PDLIM1: variants seen among roughly 807,000 people sequenced by gnomAD.
PDLIM1 encodes the protein PDZ and LIM domain 1.
PDLIM1 carries 25 observed loss-of-function variants against 35.2 expected under a neutral mutation model. That is an observed-to-expected ratio of 0.71 (90% CI 0.52 to 0.99). The LOEUF (loss-of-function observed/expected upper bound fraction) is 0.99, where lower values mean the gene tolerates loss of function less well. PDLIM1 is among the 50% of genes least tolerant of loss of function. PDLIM1 has a pLI of 0.00. For synonymous variants in PDLIM1, 152 were observed against 154.0 expected (o/e 0.99, Z 0.10); for missense variants, 363 against 415.3 (o/e 0.87, Z 1.09).
chr10:95,251,109 C>G (rs974040113), intron 4 of PDLIM1, among the ~76,000 whole-genome samples: 2 of 152,058 alleles, frequency 1.3e-5, no homozygotes, highest in Non-Finnish European at 2.9e-5. Context: ...GGGTGAGGGT[C>G]AGAAGGACGA....
intron 4 of PDLIM1, among the ~76,000 whole-genome samples, chr10:95,248,645 TA>T (rs1814585029): frequency 6.6e-6 from 1 of 152,248 alleles, no homozygotes; most frequent in South Asian, 2.1e-4. Context: ...AATACTAAAA[TA>T]TATGTTTAAT....
intron 4 of PDLIM1, among the ~76,000 whole-genome samples, chr10:95,252,357 G>A (rs1379258000): frequency 6.6e-6 from 1 of 152,180 alleles, no homozygotes; most frequent in Non-Finnish European, 1.5e-5. Context: ...CATAGGCAGA[G>A]TGGGGAAAGT....
chr10:95,238,757 C>A, intron 5 of PDLIM1, 72 bp from the exon 6 acceptor site: 2 of 947,262 alleles, frequency 2.1e-6, no homozygotes, highest in Non-Finnish European at 3.5e-6. Flanking sequence ...CTCTTCAGAA[C>A]CACTTATAAA....
chr10:95,237,675 C>T lies in PDLIM1; in HGVS notation c.*250G>A, dbSNP rs919345085. On this transcript the variant is annotated 3_prime_UTR_variant, in exon 7 of 7. Transcript: ENST00000329399. ...GATGTCCAAATGCAGCAGAGAAGAA[C>T]GGTGGGGCGAAGGGACACAGTGTTG... The T allele has an allele frequency of 2.7e-5, 13 of 478,238 alleles. No homozygotes were observed. In the Admixed American group the frequency reaches 2.8e-4, roughly 10 times the overall value. The allele number at this position is 478,238 out of a possible 1,614,324, so 29.6% of individuals were successfully genotyped here. A position where few individuals can be genotyped will look rare whatever the true frequency, so the allele number is the denominator to read the frequency against.
chr10:95,249,207 G>T (rs1255117865), intron 4 of PDLIM1, among the ~76,000 whole-genome samples: 1 of 152,176 alleles, frequency 6.6e-6, no homozygotes, highest in Non-Finnish European at 1.5e-5. Context: ...TCCTTGCTGT[G>T]CTCCCCCTGT....
intron 4 of PDLIM1, among the ~76,000 whole-genome samples, chr10:95,252,249 C>G (rs929412630): frequency 1.3e-5 from 2 of 152,128 alleles, no homozygotes; most frequent in African/African-American, 4.8e-5. Context: ...GTGTCTAGGC[C>G]ACCACTCACC....
chr10:95,243,481 A>T (rs918478202), intron 5 of PDLIM1, among the ~76,000 whole-genome samples: 1 of 152,144 alleles, frequency 6.6e-6, no homozygotes, highest in African/African-American at 2.4e-5. Flanking sequence ...ATGACTTCAC[A>T]CTACCTTTAG....
chr10:95,288,956 AATAAT>A (rs1230406878), intron 1 of PDLIM1, among the ~76,000 whole-genome samples: 1 of 152,232 alleles, frequency 6.6e-6, no homozygotes, highest in Non-Finnish European at 1.5e-5. Context: ...GCCATAAATA[AATAAT>A]ATAAATAATA....
At chr10:95,280,148 G>T (rs980794751) in intron 1 of PDLIM1, among the ~76,000 whole-genome samples, 1 of 152,172 alleles carries the variant, frequency 6.6e-6, no homozygotes, top group African/African-American at 2.4e-5. Context: ...GGCCAGGGTG[G>T]GTGGATCACT....
At chr10:95,275,768 T>A (rs1284343413) in intron 1 of PDLIM1, among the ~76,000 whole-genome samples, 9 of 152,196 alleles carry the variant, frequency 5.9e-5, no homozygotes, top group Non-Finnish European at 8.8e-5. Context: ...CCAACTGTTT[T>A]GTGGGAGAGA....
intron 4 of PDLIM1, among the ~76,000 whole-genome samples, chr10:95,258,730 A>C (rs2035337074): frequency 6.6e-6 from 1 of 152,180 alleles, no homozygotes; most frequent in South Asian, 2.1e-4. Flanking sequence ...CAGGATAAAA[A>C]AGTTCTAGAG....
intron 5 of PDLIM1, among the ~76,000 whole-genome samples, chr10:95,239,613 T>C (rs1286905790): frequency 3.3e-5 from 5 of 152,264 alleles, no homozygotes; most frequent in African/African-American, 7.2e-5. Context: ...CTGGCCAACA[T>C]AGCCAAACCC....
At chr10:95,243,074 A>G (rs911153768) in intron 5 of PDLIM1, among the ~76,000 whole-genome samples, 1 of 152,218 alleles carries the variant, frequency 6.6e-6, no homozygotes, top group Non-Finnish European at 1.5e-5. Context: ...CAGGAGGGAC[A>G]TGAAATCTCC....
At chr10:95,243,879 C>A (rs1295049117) in intron 5 of PDLIM1, among the ~76,000 whole-genome samples, 1 of 152,048 alleles carries the variant, frequency 6.6e-6, no homozygotes, top group African/African-American at 2.4e-5. Context: ...CATGACACCA[C>A]TTATACAAGG....
intron 1 of PDLIM1, among the ~76,000 whole-genome samples, chr10:95,274,981 T>C (rs545336215): frequency 2.6e-5 from 4 of 152,304 alleles, no homozygotes; most frequent in South Asian, 4.1e-4. Flanking sequence ...GGGGCCTGAA[T>C]TCTGCTAAGA....
At chr10:95,243,011 G>A (rs1312782206) in intron 5 of PDLIM1, among the ~76,000 whole-genome samples, 2 of 152,142 alleles carry the variant, frequency 1.3e-5, no homozygotes, top group African/African-American at 4.8e-5. Context: ...TCAATCCATA[G>A]AAAAATCACC....
intron 4 of PDLIM1, among the ~76,000 whole-genome samples, chr10:95,262,552 A>G (rs1300586061): frequency 1.3e-5 from 2 of 152,216 alleles, no homozygotes; most frequent in African/African-American, 4.8e-5. Flanking sequence ...GCCAAGGAGC[A>G]GCGTCCCCTC....
At chr10:95,259,085 G>A (rs2035340457) in intron 4 of PDLIM1, among the ~76,000 whole-genome samples, 1 of 152,098 alleles carries the variant, frequency 6.6e-6, no homozygotes, top group East Asian at 1.9e-4. Flanking sequence ...AGAGCGACAT[G>A]AGAAACCCTT....
chr10:95,259,607 C>T (rs2035344268), intron 4 of PDLIM1, among the ~76,000 whole-genome samples: 1 of 152,152 alleles, frequency 6.6e-6, no homozygotes, highest in African/African-American at 2.4e-5. Context: ...GAGAGGAATG[C>T]CCGCACAGCA....
Sources: allele counts gnomAD v4.1 joint callset (sites outside exome capture counted in the v4.1 genomes callset), GRCh38; gene constraint gnomAD v4.1.1; transcripts MANE v1.5; gene names NCBI Gene and HGNC (gene_info 2026-07-23, HGNC 2026-07-21).